ZHX2: variants seen among roughly 807,000 people sequenced by gnomAD.
ZHX2 encodes the protein zinc fingers and homeoboxes protein 2.
ZHX2 carries 6 observed loss-of-function variants against 21.9 expected under a neutral mutation model. That is an observed-to-expected ratio of 0.27 (90% CI 0.15 to 0.54). The LOEUF (loss-of-function observed/expected upper bound fraction) is 0.54, where lower values mean the gene tolerates loss of function less well. ZHX2 is among the 20% of genes least tolerant of loss of function. The probability of loss-of-function intolerance (pLI) is 0.95; values close to 1 mark genes in which losing one functional copy is unlikely to be tolerated. For missense variants in ZHX2, 908 were observed against 1,090.7 expected, an observed-to-expected ratio of 0.83 and a Z score of 2.36; for synonymous variants, 434 against 437.1, an observed-to-expected ratio of 0.99 and a Z score of 0.09.
At chr8:122,949,277 C>T (rs1022198815) in intron 2 of ZHX2, among the ~76,000 whole-genome samples, 24 of 152,004 alleles carry the variant, frequency 1.6e-4, no homozygotes, top group South Asian at 6.3e-4. Context: ...AAGCCAAGAC[C>T]GCGCCGTTAT....
chr8:122,782,141 G>C lies in ZHX2; in HGVS notation c.-283+195G>C, dbSNP rs1269753015. On this transcript the variant is annotated intron_variant, in intron 1 of 3. Coordinates refer to ENST00000314393, the MANE Select transcript of ZHX2 (RefSeq NM_014943.5). This position sits in a 1 kb window ranked among gnomAD's most constrained non-coding sequence, Gnocchi z 5.3. The stretch of plus-strand genomic sequence containing the variant: ...GGGTACGGAAGGGGGGGGGTGTGCA[G>C]GCTCTTTTTGCGGGTGGGAGGAAAT... Among the ~76,000 whole-genome samples, 11 of 151,684 alleles carry C rather than the reference G, an allele frequency of 7.3e-5. No homozygotes were observed. In the East Asian group the frequency reaches 2.1e-3, roughly 29 times the overall value.
intron 2 of ZHX2, among the ~76,000 whole-genome samples, chr8:122,871,056 G>C (rs1819422276): frequency 6.6e-6 from 1 of 152,174 alleles, no homozygotes; most frequent in African/African-American, 2.4e-5. Flanking sequence ...GCATGGAGTA[G>C]CAGTTAACAG....
Position 122,828,740 on chromosome 8 carries a change from A to G in ZHX2, c.-282-34737A>G, listed in dbSNP as rs1818312527. 6.6e-6 allele frequency among the ~76,000 whole-genome samples: 1 copy of G among 152,186 alleles called. No individual in the cohort carries two copies. The highest frequency in any genetic ancestry group is 6.5e-5 in the Admixed American group (1 of 15,282). On this transcript the variant is annotated intron_variant, in intron 1 of 3. Transcript: ENST00000314393. The surrounding 1 kb of genome is among the most constrained non-coding windows in gnomAD (Gnocchi z 5.2). Reference sequence around the variant, plus strand: ...TTCCCACGCTTCGCAGGGCTGATGGATCGTGCCTGCAAAGGGGTTCTTGGA... The same window carrying G: ...TTCCCACGCTTCGCAGGGCTGATGGGTCGTGCCTGCAAAGGGGTTCTTGGA...
At chr8:122,885,783 C>T (rs759878079) in intron 2 of ZHX2, among the ~76,000 whole-genome samples, 7 of 152,068 alleles carry the variant, frequency 4.6e-5, no homozygotes, top group Non-Finnish European at 8.8e-5. Flanking sequence ...GTTGAGAGAC[C>T]CTTGAGAATA....
chr8:122,969,542 C>T (rs754032783), intron 3 of ZHX2, among the ~76,000 whole-genome samples: 3 of 151,874 alleles, frequency 2.0e-5, no homozygotes, highest in Admixed American at 6.6e-5. Context: ...ACGAGTTATA[C>T]GTCAATAAAG....
intron 2 of ZHX2, among the ~76,000 whole-genome samples, chr8:122,908,425 G>A (rs1330654129): frequency 6.6e-6 from 1 of 151,998 alleles, no homozygotes; most frequent in African/African-American, 2.4e-5. Flanking sequence ...GGCCAGGCTG[G>A]TCTGGAACTC....
intron 2 of ZHX2, among the ~76,000 whole-genome samples, chr8:122,888,376 T>A (rs1277450706): frequency 1.3e-5 from 2 of 152,216 alleles, no homozygotes; most frequent in African/African-American, 2.4e-5. Context: ...AATTAGCATA[T>A]TCATCACTTC....
chr8:122,961,609 G>A (rs909711512), intron 3 of ZHX2, among the ~76,000 whole-genome samples: 3 of 152,204 alleles, frequency 2.0e-5, no homozygotes, highest in African/African-American at 7.2e-5. Context: ...CGAAGGGGAA[G>A]CAAGGCACCT....
At chr8:122,840,554 A>G (rs1256103989) in intron 1 of ZHX2, among the ~76,000 whole-genome samples, 1 of 152,224 alleles carries the variant, frequency 6.6e-6, no homozygotes, top group Non-Finnish European at 1.5e-5. Flanking sequence ...AGTGGCTTAC[A>G]TTACACTTGT....
chr8:122,891,034 G>A (rs1477221433), intron 2 of ZHX2, among the ~76,000 whole-genome samples: 1 of 151,972 alleles, frequency 6.6e-6, no homozygotes, highest in Non-Finnish European at 1.5e-5. Context: ...GTCTGGTTTT[G>A]GTATCAGGGT....
At chr8:122,833,401 G>C (rs540273688) in intron 1 of ZHX2, among the ~76,000 whole-genome samples, 1 of 152,296 alleles carries the variant, frequency 6.6e-6, no homozygotes, top group East Asian at 1.9e-4. Flanking sequence ...TGAGGAATGG[G>C]ATACTGCTTC....
chr8:122,783,264 C>T (rs989338305), intron 1 of ZHX2, among the ~76,000 whole-genome samples: 2 of 152,084 alleles, frequency 1.3e-5, no homozygotes, highest in South Asian at 2.1e-4. Flanking sequence ...TTCCCTCGAC[C>T]CCTCCCCTTT....
At chr8:122,811,954 G>T (rs900751048) in intron 1 of ZHX2, 8 of 152,230 alleles carry the variant, frequency 5.3e-5, no homozygotes, top group Admixed American at 5.2e-4. Context: ...AACAGAAAGA[G>T]ATTCCTTCTC....
chr8:122,880,003 C>T (rs895821868), intron 2 of ZHX2, among the ~76,000 whole-genome samples: 7 of 140,276 alleles, frequency 5.0e-5, no homozygotes, highest in African/African-American at 8.0e-5. Context: ...GATGGAGCCT[C>T]GCTCTGTTGT....
chr8:122,821,345 G>A (rs1380938562), intron 1 of ZHX2, among the ~76,000 whole-genome samples: 1 of 152,156 alleles, frequency 6.6e-6, no homozygotes, highest in Non-Finnish European at 1.5e-5. Flanking sequence ...CCAGCTCCGT[G>A]GGCATCTGTG....
chr8:122,792,800 T>G (rs1287235299), intron 1 of ZHX2, among the ~76,000 whole-genome samples: 2 of 152,058 alleles, frequency 1.3e-5, no homozygotes, highest in Non-Finnish European at 2.9e-5. Flanking sequence ...CGTGCAAAAT[T>G]TAAGGTGACA....
chr8:122,787,940 T>G (rs1037401485), intron 1 of ZHX2, among the ~76,000 whole-genome samples: 2 of 152,184 alleles, frequency 1.3e-5, no homozygotes, highest in Non-Finnish European at 2.9e-5. Context: ...AAACCAGTGT[T>G]GCAGAAACAC....
At position 122,972,116 on chromosome 8, in the gene ZHX2, T is replaced by G. The variant is rs58857538; in HGVS notation, c.*5-1126T>G. The stretch of plus-strand genomic sequence containing the variant: ...TTCCCTGTGTGTGAGTCTTCACATC[T>G]TCCCTCTATGCACATCTGTCTCTGT... On this transcript the variant is annotated intron_variant, in intron 3 of 3. Transcript: ENST00000314393. 4.5e-3 allele frequency among the ~76,000 whole-genome samples: 679 copies of G among 152,328 alleles called. 3 individuals carry two copies. Among genetic ancestry groups the G allele is most frequent in the African/African-American group, 0.015 (612 of 41,562 alleles).
chr8:122,872,797 C>A (rs909552114), intron 2 of ZHX2, among the ~76,000 whole-genome samples: 1 of 152,202 alleles, frequency 6.6e-6, no homozygotes, highest in African/African-American at 2.4e-5. Flanking sequence ...TGGCTTTGCG[C>A]CCAGCTGGAT....
Sources: allele counts gnomAD v4.1 joint callset (sites outside exome capture counted in the v4.1 genomes callset), GRCh38; gene constraint gnomAD v4.1.1; non-coding constraint Gnocchi (gnomAD v3.1); transcripts MANE v1.5; gene names NCBI Gene and HGNC (gene_info 2026-07-23, HGNC 2026-07-21).